Variants in FOXP2 observed in about 807,000 individuals in gnomAD.
FOXP2 encodes the protein forkhead box protein P2.
Under a neutral mutation model 115.8 loss-of-function variants are expected in FOXP2, and 12 were observed. That is an observed-to-expected ratio of 0.10 (90% confidence interval 0.07 to 0.17). The LOEUF is 0.17. Ranked by LOEUF, FOXP2 falls within the 10% of genes least tolerant of loss-of-function variation. FOXP2 has a pLI of 1.00. For synonymous variants in FOXP2, 328 were observed against 297.7 expected (o/e 1.10, Z -1.05); for missense variants, 629 against 843.5 (o/e 0.75, Z 3.15).
chr7:114,522,049 G>T (rs563327779), intron 2 of FOXP2, among the ~76,000 whole-genome samples: 1 of 152,114 alleles, frequency 6.6e-6, no homozygotes, highest in Non-Finnish European at 1.5e-5. Context: ...CATTCTTGGG[G>T]TTATAAAAGA....
At chr7:114,095,669 C>G (rs1799632500) in intron 1 of FOXP2, among the ~76,000 whole-genome samples, 1 of 152,168 alleles carries the variant, frequency 6.6e-6, no homozygotes. Context: ...TCCATAAATA[C>G]TAATTTATTC....
intron 1 of FOXP2, among the ~76,000 whole-genome samples, chr7:114,215,509 A>G (rs191830991): frequency 9.5e-4 from 145 of 152,280 alleles, no homozygotes; most frequent in African/African-American, 3.3e-3. Context: ...GTAAGCCTAT[A>G]ATTTTTTTGT....
At chr7:114,176,630 G>A (rs1419031287) in intron 1 of FOXP2, among the ~76,000 whole-genome samples, 5 of 150,850 alleles carry the variant, frequency 3.3e-5, no homozygotes, top group Non-Finnish European at 7.4e-5. Context: ...TTACAGGCAT[G>A]AGCCACTGTA....
At chr7:114,659,040 A>G (rs1212635446) in intron 11 of FOXP2, among the ~76,000 whole-genome samples, 1 of 152,124 alleles carries the variant, frequency 6.6e-6, no homozygotes, top group Non-Finnish European at 1.5e-5. Flanking sequence ...AGATTATAGC[A>G]GGGGGGCAAA....
intron 3 of FOXP2, among the ~76,000 whole-genome samples, chr7:114,559,665 G>A (rs1423098033): frequency 2.0e-5 from 3 of 151,992 alleles, no homozygotes; most frequent in East Asian, 1.9e-4. Flanking sequence ...GGCAGATCAC[G>A]AGGTCAGGAG....
At chr7:114,395,310 A>G (rs1242025430) in intron 2 of FOXP2, among the ~76,000 whole-genome samples, 1 of 152,192 alleles carries the variant, frequency 6.6e-6, no homozygotes, top group South Asian at 2.1e-4. Flanking sequence ...TCTGATGACT[A>G]TGCTTTAAAA....
intron 1 of FOXP2, among the ~76,000 whole-genome samples, chr7:114,142,610 C>T (rs1792249334): frequency 6.6e-6 from 1 of 152,048 alleles, no homozygotes; most frequent in African/African-American, 2.4e-5. Flanking sequence ...GACTTAAACT[C>T]TTCAAAAGGA....
chr7:114,214,170 T>C (rs1233734696), intron 1 of FOXP2, among the ~76,000 whole-genome samples: 1 of 152,248 alleles, frequency 6.6e-6, no homozygotes, highest in East Asian at 1.9e-4. Context: ...TGTTGTTCAC[T>C]TACTCTTCAT....
intron 3 of FOXP2, among the ~76,000 whole-genome samples, chr7:114,566,210 T>C (rs1239421448): frequency 6.6e-6 from 1 of 152,154 alleles, no homozygotes; most frequent in Non-Finnish European, 1.5e-5. Flanking sequence ...TTGATTTGTT[T>C]TATAACGTGA....
chr7:114,622,605 C>T (rs1320997008), intron 3 of FOXP2, among the ~76,000 whole-genome samples: 2 of 151,892 alleles, frequency 1.3e-5, no homozygotes, highest in Non-Finnish European at 2.9e-5. Flanking sequence ...TGATTATCAT[C>T]CATCAATCTA....
chr7:114,287,814 A>G (rs79794408), intron 1 of FOXP2, among the ~76,000 whole-genome samples: 1,619 of 152,050 alleles, frequency 0.011, 23 homozygotes, highest in Admixed American at 0.018. Context: ...ATACCAAACA[A>G]TGTCTTGAAA....
chr7:114,403,485 A>G (rs1373921417), intron 2 of FOXP2, among the ~76,000 whole-genome samples: 1 of 152,170 alleles, frequency 6.6e-6, no homozygotes, highest in Non-Finnish European at 1.5e-5. Context: ...TATACTTCTC[A>G]TTGCCTTTAT....
At chr7:114,439,663 G>A (rs1438197262) in intron 2 of FOXP2, among the ~76,000 whole-genome samples, 2 of 152,012 alleles carry the variant, frequency 1.3e-5, no homozygotes, top group African/African-American at 4.8e-5. Flanking sequence ...TCGCAGATTA[G>A]CCTCCTGAGT....
intron 1 of FOXP2, among the ~76,000 whole-genome samples, chr7:114,188,144 C>G (rs1220371860): frequency 1.3e-5 from 2 of 152,170 alleles, no homozygotes; most frequent in African/African-American, 4.8e-5. Context: ...AATTTATTTT[C>G]CACAGAGCAC....
At chr7:114,325,935 G>A (rs974431042) in intron 2 of FOXP2, among the ~76,000 whole-genome samples, 2 of 152,052 alleles carry the variant, frequency 1.3e-5, no homozygotes, top group African/African-American at 2.4e-5. Context: ...AAGACACACT[G>A]TGTAATATAG....
At chr7:114,516,703 G>GT (rs559211733) in intron 2 of FOXP2, among the ~76,000 whole-genome samples, 149 of 145,120 alleles carry the variant, frequency 1.0e-3, no homozygotes, top group East Asian at 5.8e-3. Context: ...TTTGTTTTTT[G>GT]TTTTTTTTTT....
At chr7:114,125,406 T>C (rs1170357002) in intron 1 of FOXP2, among the ~76,000 whole-genome samples, 1 of 152,120 alleles carries the variant, frequency 6.6e-6, no homozygotes, top group African/African-American at 2.4e-5. Flanking sequence ...TCCCTTTAAA[T>C]AGCTATATAC....
intron 2 of FOXP2, among the ~76,000 whole-genome samples, chr7:114,310,637 C>A (rs1797126117): frequency 6.6e-6 from 1 of 151,782 alleles, no homozygotes; most frequent in Admixed American, 6.6e-5. Context: ...GTTTTCCTTT[C>A]TCCTCTTTAG....
intron 2 of FOXP2, among the ~76,000 whole-genome samples, chr7:114,355,485 A>G (rs1042582287): frequency 1.3e-5 from 2 of 152,198 alleles, no homozygotes; most frequent in African/African-American, 4.8e-5. Flanking sequence ...TTAGGTCAGA[A>G]ATCAAGTGTA....
Sources: allele counts gnomAD v4.1 joint callset (sites outside exome capture counted in the v4.1 genomes callset), GRCh38; gene constraint gnomAD v4.1.1; transcripts MANE v1.5; gene names NCBI Gene and HGNC (gene_info 2026-07-23, HGNC 2026-07-21).